Variants in CYTH3 observed in about 807,000 individuals in gnomAD.
The protein encoded by CYTH3 is cytohesin-3.
Under a neutral mutation model 55.1 loss-of-function variants are expected in CYTH3, and 23 were observed. The observed-to-expected ratio is 0.42, with a 90% CI of 0.30 to 0.59. The LOEUF (loss-of-function observed/expected upper bound fraction) is 0.59. CYTH3 is among the 20% of genes least tolerant of loss of function. The pLI is 0.20. For missense variants in CYTH3, 413 were observed against 524.8 expected (o/e 0.79, Z 2.08); for synonymous variants, 249 against 194.9 (o/e 1.28, Z -2.31).
intron 4 of CYTH3, among the ~76,000 whole-genome samples, 197 bp downstream of exon 4, chr7:6,186,853 G>C (rs1204058535): frequency 6.6e-6 from 1 of 152,208 alleles, no homozygotes; most frequent in Non-Finnish European, 1.5e-5. Context: ...TTTCTGCCCA[G>C]GGCACCAGCC....
chr7:6,255,827 G>C (rs890429778), intron 1 of CYTH3, among the ~76,000 whole-genome samples: 5 of 143,298 alleles, frequency 3.5e-5, no homozygotes, highest in Admixed American at 7.2e-5. Flanking sequence ...GCAGTGGCGC[G>C]ATCTCTGCTC....
intron 1 of CYTH3, among the ~76,000 whole-genome samples, chr7:6,226,215 C>A (rs946732220): frequency 3.3e-5 from 5 of 152,194 alleles, no homozygotes; most frequent in Non-Finnish European, 7.3e-5. Flanking sequence ...AAGATCCAGA[C>A]GTCCTCCTGT....
intron 1 of CYTH3, among the ~76,000 whole-genome samples, chr7:6,262,801 C>A (rs1156388059): frequency 2.0e-5 from 3 of 152,226 alleles, no homozygotes; most frequent in Non-Finnish European, 4.4e-5. Flanking sequence ...TGCCTGTAGT[C>A]CTAGCTACTC....
chr7:6,247,009 T>C (rs539109575), intron 1 of CYTH3, among the ~76,000 whole-genome samples: 2 of 152,314 alleles, frequency 1.3e-5, no homozygotes, highest in South Asian at 4.1e-4. Flanking sequence ...CAGAAAAATT[T>C]CAGGTACAGG....
At chr7:6,207,722 G>T (rs914564546) in intron 1 of CYTH3, among the ~76,000 whole-genome samples, 1 of 152,036 alleles carries the variant, frequency 6.6e-6, no homozygotes, top group African/African-American at 2.4e-5. Flanking sequence ...GGTCGAGGCA[G>T]GCAGACTGCT....
intron 1 of CYTH3, among the ~76,000 whole-genome samples, chr7:6,243,232 G>T (rs1779719410): frequency 6.6e-6 from 1 of 152,214 alleles, no homozygotes; most frequent in African/African-American, 2.4e-5. Context: ...ACTGCCCTTG[G>T]TAAGATGAGA....
intron 1 of CYTH3, among the ~76,000 whole-genome samples, chr7:6,250,813 T>C (rs1213861674): frequency 2.6e-5 from 4 of 152,216 alleles, no homozygotes; most frequent in African/African-American, 4.8e-5. Flanking sequence ...TTTAAAAGGA[T>C]GACTATAATG....
rs1377160973 is a variant in CYTH3 at position 6,169,707 on chromosome 7, A to C, written c.823+828T>G. The stretch of plus-strand genomic sequence containing the variant: ...TTCTAAAACTGCCCGTAATTGCCCT[A>C]AATTGCTCCAAAGGCCTTTAGAGCA... On this transcript the variant is annotated intron_variant, in intron 9 of 12. Transcript: ENST00000350796. The surrounding 1 kb of genome is among the most constrained non-coding windows in gnomAD (Gnocchi z 4.1). Among the ~76,000 whole-genome samples, 1 of 152,160 alleles carries C rather than the reference A, an allele frequency of 6.6e-6. No individual in the cohort carries two copies. The highest frequency in any genetic ancestry group is 1.5e-5 in the Non-Finnish European group (1 of 68,042).
rs769422824 is a variant in CYTH3, at chr7:6,165,407, ATTG to A, written c.990_992del (p.Asn331del). 6.2e-7 allele frequency: 1 copy of A among 1,612,962 alleles called. No homozygotes were observed. The highest frequency in any genetic ancestry group is 8.5e-7 in the Non-Finnish European group (1 of 1,179,794). ...TGATGACCTGCCCTTTGTGGCTGGG[ATTG>A]TAGAGCTCAAAACAGTTCTGGTGGA... On this transcript the variant is annotated inframe_deletion, in exon 12 of 13. Coordinates refer to ENST00000350796, the MANE Select transcript of CYTH3 (RefSeq NM_004227.4).
intron 1 of CYTH3, among the ~76,000 whole-genome samples, chr7:6,243,842 A>G (rs1779737420): frequency 1.3e-5 from 2 of 152,204 alleles, no homozygotes; most frequent in African/African-American, 4.8e-5. Context: ...AATCGTATGG[A>G]GTCAGAGATA....
intron 4 of CYTH3, among the ~76,000 whole-genome samples, chr7:6,184,306 C>T (rs940762984): frequency 8.7e-4 from 132 of 151,868 alleles, no homozygotes; most frequent in Non-Finnish European, 8.2e-4. Flanking sequence ...ATGATCCACC[C>T]GCCTCAGCCT....
At chr7:6,229,822 A>G (rs938076334) in intron 1 of CYTH3, among the ~76,000 whole-genome samples, 44 of 125,826 alleles carry the variant, frequency 3.5e-4, no homozygotes, top group African/African-American at 1.1e-3. Context: ...GTCTCAAAAG[A>G]AAAAAAAAAA....
At chr7:6,184,574 A>G (rs900828345) in intron 4 of CYTH3, among the ~76,000 whole-genome samples, 2 of 151,982 alleles carry the variant, frequency 1.3e-5, no homozygotes, top group Non-Finnish European at 2.9e-5. Context: ...TAGTGGCATC[A>G]CTTTATTTAT....
rs913692650 is a variant in CYTH3 at position 6,222,945 on chromosome 7, C to T, written c.35-32414G>A. Among the ~76,000 whole-genome samples the T allele has an allele frequency of 2.4e-4, 36 of 152,216 alleles. 1 individual carries two copies. The highest frequency in any genetic ancestry group is 8.4e-4 in the African/African-American group (35 of 41,444). ...AGTTGGCCTGCTCATAATAGTCAAT[C>T]AATCAATAATTAATAAATGTAAAGT... On this transcript the variant is annotated intron_variant, in intron 1 of 12. Coordinates refer to ENST00000350796, the MANE Select transcript of CYTH3 (RefSeq NM_004227.4).
intron 5 of CYTH3, among the ~76,000 whole-genome samples, chr7:6,177,311 G>C (rs1249938623): frequency 1.3e-5 from 2 of 152,216 alleles, no homozygotes; most frequent in African/African-American, 4.8e-5. Context: ...TTTGACAAAA[G>C]TCTGTTTGCC....
intron 1 of CYTH3, among the ~76,000 whole-genome samples, chr7:6,257,270 C>T (rs939932598): frequency 1.3e-5 from 2 of 152,192 alleles, no homozygotes; most frequent in African/African-American, 4.8e-5. Context: ...TCAAAAGACA[C>T]TAAAATTCTT....
intron 1 of CYTH3, among the ~76,000 whole-genome samples, chr7:6,229,592 C>T (rs1047726494): frequency 1.0e-4 from 15 of 150,194 alleles, no homozygotes; most frequent in African/African-American, 3.7e-4. Flanking sequence ...GGTGGATCAC[C>T]TGAGGTCAGG....
chr7:6,244,136 C>T (rs1333182312), intron 1 of CYTH3, among the ~76,000 whole-genome samples: 1 of 152,140 alleles, frequency 6.6e-6, no homozygotes, highest in Non-Finnish European at 1.5e-5. Context: ...GTATCTGATG[C>T]ATTTTGTCCT....
chr7:6,239,945 G>A (rs1011832606), intron 1 of CYTH3, among the ~76,000 whole-genome samples: 4 of 152,116 alleles, frequency 2.6e-5, no homozygotes, highest in Non-Finnish European at 5.9e-5. Flanking sequence ...TAAATTTAAC[G>A]TAATCAGAAA....
Sources: allele counts gnomAD v4.1 joint callset (sites outside exome capture counted in the v4.1 genomes callset), GRCh38; gene constraint gnomAD v4.1.1; non-coding constraint Gnocchi (gnomAD v3.1); transcripts MANE v1.5; gene names NCBI Gene and HGNC (gene_info 2026-07-23, HGNC 2026-07-21).